The following FSTL4 variants were observed in gnomAD, a reference collection of about 807,000 sequenced individuals.
The protein encoded by FSTL4 is follistatin-related protein 4.
A neutral mutation model predicts 78.2 loss-of-function variants in FSTL4; 28 were observed. That is an observed-to-expected ratio of 0.36 (90% CI 0.27 to 0.49). The LOEUF (loss-of-function observed/expected upper bound fraction) is 0.49, where lower values mean the gene tolerates loss of function less well. Ranked by LOEUF, FSTL4 falls within the 20% of genes least tolerant of loss-of-function variation. The pLI, the probability that FSTL4 is intolerant of heterozygous loss-of-function variation, is 0.98. For missense variants in FSTL4, 922 were observed against 1,084.9 expected (o/e 0.85, Z 2.11); for synonymous variants, 422 against 440.5 (o/e 0.96, Z 0.53).
the FSTL4 span, among the ~76,000 whole-genome samples, chr5:133,766,153 C>T: frequency 6.6e-6 from 1 of 152,164 alleles, no homozygotes; most frequent in African/African-American, 2.4e-5. Context: ...GTCAGCAAAC[C>T]TTGGCCTATG....
At chr5:133,435,136 T>C (rs905545987) in intron 3 of FSTL4, among the ~76,000 whole-genome samples, 9 of 152,250 alleles carry the variant, frequency 5.9e-5, no homozygotes, top group African/African-American at 2.2e-4. Context: ...TCCTTTTTTA[T>C]GTGGTTTAGG....
In FSTL4 at chr5:133,507,523, ATTTT is replaced by A. The variant is rs35891659; in HGVS notation, c.160+59659_160+59662del. Among the ~76,000 whole-genome samples, 64 of 136,184 alleles carry A rather than the reference ATTTT, an allele frequency of 4.7e-4. No individual in the cohort carries two copies. In the South Asian group the frequency reaches 6.7e-3, roughly 14 times the overall value. The allele number at this position is 136,184 out of a possible 152,430, so 89.3% of individuals were successfully genotyped here. Reference sequence around the variant, plus strand: ...ATTCAAACAACGGAGACTTGAAAGCATTTTTTTTTTTTTTTTTTGATACTGAGTC... The same window carrying A: ...ATTCAAACAACGGAGACTTGAAAGCATTTTTTTTTTTTTTGATACTGAGTC... On this transcript the variant is annotated intron_variant, in intron 3 of 15. Transcript: ENST00000265342.
intron 4 of FSTL4, among the ~76,000 whole-genome samples, chr5:133,344,949 C>T (rs73263722): frequency 0.036 from 5,521 of 151,368 alleles, 249 homozygotes; most frequent in African/African-American, 0.11. Context: ...GATTACACTC[C>T]TCACCCTCCA....
chr5:133,445,126 C>T (rs965270469), intron 3 of FSTL4, among the ~76,000 whole-genome samples: 2 of 152,246 alleles, frequency 1.3e-5, no homozygotes, highest in Non-Finnish European at 2.9e-5. Flanking sequence ...CCTGCTTCTG[C>T]TCCCAGTGTT....
chr5:133,482,717 G>A (rs1239452373), intron 3 of FSTL4, among the ~76,000 whole-genome samples: 1 of 152,182 alleles, frequency 6.6e-6, no homozygotes, highest in Non-Finnish European at 1.5e-5. Flanking sequence ...GAAGGTGTTG[G>A]TATGCACGAG....
chr5:133,697,436 G>A, the FSTL4 span, among the ~76,000 whole-genome samples: 2 of 152,126 alleles, frequency 1.3e-5, no homozygotes, highest in African/African-American at 4.8e-5. Context: ...TCTTCCCAAT[G>A]ACAAATATAC....
At chr5:133,554,398 A>G (rs1759746502) in intron 3 of FSTL4, among the ~76,000 whole-genome samples, 1 of 152,204 alleles carries the variant, frequency 6.6e-6, no homozygotes, top group South Asian at 2.1e-4. Flanking sequence ...CTCGCGTCCT[A>G]ATGGATCCTG....
chr5:133,839,052 G>A, the FSTL4 span, among the ~76,000 whole-genome samples: 5 of 152,276 alleles, frequency 3.3e-5, no homozygotes, highest in East Asian at 1.9e-4. Flanking sequence ...CCGATAACTC[G>A]GAGTTTTCTG....
At chr5:133,576,501 C>T (rs182047023) in intron 2 of FSTL4, among the ~76,000 whole-genome samples, 2 of 152,312 alleles carry the variant, frequency 1.3e-5, no homozygotes, top group African/African-American at 4.8e-5. Context: ...ACCAGATCTT[C>T]GTAGACAAAG....
the FSTL4 span, among the ~76,000 whole-genome samples, chr5:133,666,075 T>C: frequency 6.6e-6 from 1 of 150,968 alleles, no homozygotes; most frequent in African/African-American, 2.4e-5. Context: ...ATCCTATCAC[T>C]TGCCAATTTA....
At chr5:133,404,053 G>A (rs182362159) in intron 3 of FSTL4, among the ~76,000 whole-genome samples, 137 of 152,306 alleles carry the variant, frequency 9.0e-4, no homozygotes, top group Non-Finnish European at 1.4e-3. Flanking sequence ...GAACACTCAG[G>A]TTCTCCCTGA....
chr5:133,745,968 G>A, the FSTL4 span, among the ~76,000 whole-genome samples: 2 of 152,170 alleles, frequency 1.3e-5, no homozygotes, highest in Non-Finnish European at 2.9e-5. Flanking sequence ...AAGGCACCAC[G>A]ATACAGGCCT....
chr5:133,223,219 T>C (rs1008695773), intron 11 of FSTL4, among the ~76,000 whole-genome samples: 1 of 152,260 alleles, frequency 6.6e-6, no homozygotes. Context: ...TCAGCGACTG[T>C]TGCTATTGAC....
intron 3 of FSTL4, among the ~76,000 whole-genome samples, chr5:133,481,562 C>G (rs1204762070): frequency 3.7e-5 from 5 of 136,786 alleles, no homozygotes; most frequent in African/African-American, 1.5e-4. Context: ...AAAAAAAAAG[C>G]TATTAAGCTT....
intron 3 of FSTL4, among the ~76,000 whole-genome samples, chr5:133,508,822 A>G (rs1407370956): frequency 2.6e-5 from 4 of 152,330 alleles, no homozygotes; most frequent in Non-Finnish European, 5.9e-5. Flanking sequence ...TATTTTGCCC[A>G]GATCCTGTTT....
intron 6 of FSTL4, among the ~76,000 whole-genome samples, chr5:133,272,332 G>A (rs1314238974): frequency 6.6e-6 from 1 of 152,216 alleles, no homozygotes. Flanking sequence ...CATTCTTAAC[G>A]CATTGTTTGT....
chr5:133,223,485 T>G (rs2126791505), intron 11 of FSTL4, among the ~76,000 whole-genome samples: 2 of 152,290 alleles, frequency 1.3e-5, no homozygotes, highest in East Asian at 3.9e-4. Flanking sequence ...GAGAATGAGT[T>G]GCCACAAGGG....
At chr5:133,377,391 A>G (rs1460882615) in intron 4 of FSTL4, among the ~76,000 whole-genome samples, 1 of 152,260 alleles carries the variant, frequency 6.6e-6, no homozygotes, top group Non-Finnish European at 1.5e-5. Context: ...TGCCCACACC[A>G]AACTCTGGAG....
At chr5:133,563,157 G>A (rs1391172857) in intron 3 of FSTL4, among the ~76,000 whole-genome samples, 2 of 152,136 alleles carry the variant, frequency 1.3e-5, no homozygotes, top group Non-Finnish European at 2.9e-5. Context: ...GAATGGCTCT[G>A]TCTCCCTTGG....
Sources: gnomAD v4.1 joint callset for allele counts (sites outside exome capture counted in the v4.1 genomes callset) on GRCh38, gnomAD v4.1.1 for gene constraint, MANE v1.5 for transcripts, NCBI Gene and HGNC (gene_info 2026-07-23, HGNC 2026-07-21) for gene names.